Variants in OTULIN observed in about 807,000 individuals in gnomAD.
OTULIN encodes the protein OTU deubiquitinase with linear linkage specificity, also known as ubiquitin thioesterase otulin.
In OTULIN, 15 loss-of-function variants were observed where a neutral mutation model predicts 39.6. The observed-to-expected ratio is 0.38, with a 90% confidence interval of 0.25 to 0.58. The LOEUF (loss-of-function observed/expected upper bound fraction) is 0.58. OTULIN is among the 20% of genes least tolerant of loss of function. OTULIN has a pLI of 0.66. For missense variants in OTULIN, 319 were observed against 445.9 expected (o/e 0.72, Z 2.56); for synonymous variants, 156 against 170.3 (o/e 0.92, Z 0.65).
chr5:14,680,139 C>G (rs575321542), intron 3 of OTULIN, among the ~76,000 whole-genome samples: 2 of 152,278 alleles, frequency 1.3e-5, no homozygotes, highest in South Asian at 4.1e-4. Flanking sequence ...AAAGGTACAG[C>G]TGCAGTTGGA....
chr5:14,700,180 A>G (rs1244664816), downstream of OTULIN, among the ~76,000 whole-genome samples: 3 of 152,144 alleles, frequency 2.0e-5, no homozygotes, highest in Non-Finnish European at 2.9e-5. Flanking sequence ...TTCTATCTGA[A>G]TTTCACAGAA....
At chr5:14,713,190 C>T in the OTULIN span, among the ~76,000 whole-genome samples, 1 of 152,166 alleles carries the variant, frequency 6.6e-6, no homozygotes, top group African/African-American at 2.4e-5. The surrounding 1 kb of genome is among the most constrained non-coding windows in gnomAD (Gnocchi z 4.4). Flanking sequence ...GCACATGGAT[C>T]CCACAGCCCT....
At chr5:14,711,107 AG>A in the OTULIN span, 7 of 1,178,718 alleles carry the variant, frequency 5.9e-6, no homozygotes, top group Non-Finnish European at 8.9e-6. Flanking sequence ...AACAAAAAAA[AG>A]GGAACAAAAT....
At chr5:14,683,151 C>T (rs146371514) in intron 4 of OTULIN, among the ~76,000 whole-genome samples, 378 of 152,162 alleles carry the variant, frequency 2.5e-3, no homozygotes, top group African/African-American at 8.3e-3. Flanking sequence ...AGTGTGGTGG[C>T]GCCTGTAGTG....
At position 14,695,997 on chromosome 5, in the gene OTULIN, T is replaced by G. The variant is rs922807165; in HGVS notation, c.*2949T>G. 3.9e-5 allele frequency: 6 copies of G among 152,022 alleles called. No homozygotes were observed. The highest frequency in any genetic ancestry group is 1.4e-4 in the African/African-American group (6 of 41,412). 9.4% of individuals were successfully genotyped at this position (152,022 alleles called of 1,614,324 possible). A position where few individuals can be genotyped will look rare whatever the true frequency, so the allele number is the denominator to read the frequency against. On this transcript the variant is annotated 3_prime_UTR_variant, in exon 7 of 7. Coordinates refer to ENST00000284274, the MANE Select transcript of OTULIN (RefSeq NM_138348.6). The stretch of plus-strand genomic sequence containing the variant: ...GAACGGACATTGCCTTGGTATGTTT[T>G]TTTTTTTTTTTCCCTCCACTTTTGG...
At chr5:14,683,166 C>T (rs1736298658) in intron 4 of OTULIN, among the ~76,000 whole-genome samples, 1 of 152,076 alleles carries the variant, frequency 6.6e-6, no homozygotes, top group Non-Finnish European at 1.5e-5. Flanking sequence ...GTAGTGTTAG[C>T]TACTCAGGAG....
chr5:14,686,758 G>C (rs557114295), intron 4 of OTULIN, among the ~76,000 whole-genome samples: 1 of 152,266 alleles, frequency 6.6e-6, no homozygotes, highest in East Asian at 1.9e-4. Flanking sequence ...CTGTGCCTCA[G>C]CTTGCCTTTC....
downstream of OTULIN, among the ~76,000 whole-genome samples, chr5:14,700,330 A>G (rs370547035): frequency 8.5e-5 from 13 of 152,340 alleles, no homozygotes; most frequent in East Asian, 1.4e-3. Context: ...GGCCTTCTTC[A>G]GGGACAAGAA....
At chr5:14,715,665 A>C in the OTULIN span, among the ~76,000 whole-genome samples, 12 of 152,360 alleles carry the variant, frequency 7.9e-5, 1 homozygote, top group East Asian at 2.1e-3. Context: ...ACTTATACAA[A>C]AAGAATGTAG....
intron 5 of OTULIN, 33 bp downstream of exon 5, chr5:14,687,679 G>A (rs750987834): frequency 3.2e-6 from 5 of 1,558,692 alleles, no homozygotes; most frequent in African/African-American, 1.4e-5. Flanking sequence ...TCTGATAAGG[G>A]TGAAGCTCTC....
chr5:14,684,595 A>C (rs1736339356), intron 4 of OTULIN, among the ~76,000 whole-genome samples: 1 of 152,168 alleles, frequency 6.6e-6, no homozygotes, highest in Admixed American at 6.5e-5. Context: ...CCACTCTGAC[A>C]AGGGCTTTGT....
intron 3 of OTULIN, among the ~76,000 whole-genome samples, chr5:14,681,011 G>A (rs950104260): frequency 6.6e-6 from 1 of 152,158 alleles, no homozygotes; most frequent in Non-Finnish European, 1.5e-5. Context: ...AGTGAGCCGA[G>A]ATTGCGCCAC....
the OTULIN span, chr5:14,707,097 C>T: frequency 6.6e-6 from 1 of 152,200 alleles, no homozygotes; most frequent in Non-Finnish European, 1.5e-5. Flanking sequence ...AAGACGTCGT[C>T]CTAAGTTTAG....
chr5:14,707,269 G>A, the OTULIN span: 130,011 of 149,208 alleles, frequency 0.87, 55,785 homozygotes, highest in Admixed American at 0.91. Context: ...TGGAACACAC[G>A]CACACTCGCA....
At chr5:14,678,951 T>G (rs1736176103) in intron 3 of OTULIN, among the ~76,000 whole-genome samples, 176 bp downstream of exon 3, 2 of 152,216 alleles carry the variant, frequency 1.3e-5, no homozygotes, top group Non-Finnish European at 2.9e-5. Flanking sequence ...TTGTTTTAAG[T>G]CACAGTATTA....
intron 1 of OTULIN, among the ~76,000 whole-genome samples, chr5:14,670,583 C>T (rs375159773): frequency 4.6e-5 from 7 of 152,040 alleles, no homozygotes; most frequent in Admixed American, 1.3e-4. Flanking sequence ...ACTTATTCTT[C>T]GGGATTATTT....
chr5:14,674,978 T>C (rs1218979192), intron 2 of OTULIN, among the ~76,000 whole-genome samples: 1 of 152,174 alleles, frequency 6.6e-6, no homozygotes, highest in Non-Finnish European at 1.5e-5. Context: ...CAAAAGGAAG[T>C]CAGAAGGAGC....
chr5:14,684,755 A>G (rs1052580748), intron 4 of OTULIN, among the ~76,000 whole-genome samples: 5 of 152,184 alleles, frequency 3.3e-5, no homozygotes, highest in African/African-American at 1.2e-4. Flanking sequence ...GTTTTAGGGT[A>G]TTAAAGGGAG....
intron 1 of OTULIN, among the ~76,000 whole-genome samples, chr5:14,672,639 C>T (rs1444977640): frequency 6.6e-6 from 1 of 152,040 alleles, no homozygotes; most frequent in Non-Finnish European, 1.5e-5. Flanking sequence ...GTCAGCTAGT[C>T]TCCTTGTTTT....
Sources: allele counts gnomAD v4.1 joint callset (sites outside exome capture counted in the v4.1 genomes callset), GRCh38; gene constraint gnomAD v4.1.1; non-coding constraint Gnocchi (gnomAD v3.1); transcripts MANE v1.5; gene names NCBI Gene and HGNC (gene_info 2026-07-23, HGNC 2026-07-21).